Variants in RFX3 observed in about 807,000 individuals in gnomAD.
The protein encoded by RFX3 is transcription factor RFX3.
A neutral mutation model predicts 98.6 loss-of-function variants in RFX3; 14 were observed. The ratio of observed to expected loss-of-function variants is 0.14; its 90% confidence interval spans 0.09 to 0.22. RFX3 has a LOEUF of 0.22. RFX3 is among the 10% of genes least tolerant of loss of function. RFX3 has a pLI of 1.00. For synonymous variants in RFX3, 383 were observed against 328.4 expected (o/e 1.17, Z -1.80); for missense variants, 639 against 926.9 (o/e 0.69, Z 4.03).
At chr9:3,502,234 G>A (rs1003295235) in intron 1 of RFX3, among the ~76,000 whole-genome samples, 4 of 151,586 alleles carry the variant, frequency 2.6e-5, no homozygotes, top group Non-Finnish European at 5.9e-5. Flanking sequence ...CTCCAGCCTG[G>A]GAGACACAGC....
intron 1 of RFX3, among the ~76,000 whole-genome samples, chr9:3,396,759 T>G (rs552986740): frequency 6.6e-6 from 1 of 152,194 alleles, no homozygotes; most frequent in Admixed American, 6.5e-5. Context: ...GGTATCTCAT[T>G]GTGGTTTTGA....
chr9:3,253,890 A>G (rs1251779949), intron 14 of RFX3, among the ~76,000 whole-genome samples: 1 of 152,112 alleles, frequency 6.6e-6, no homozygotes, highest in Admixed American at 6.5e-5. Flanking sequence ...TGTAATTTTC[A>G]TTACTCAATA....
At chr9:3,263,612 A>G (rs1290438743) in intron 12 of RFX3, among the ~76,000 whole-genome samples, 2 of 152,214 alleles carry the variant, frequency 1.3e-5, no homozygotes, top group Admixed American at 6.5e-5. Context: ...AGAAACGAGT[A>G]ATTTTGAGGC....
intron 1 of RFX3, among the ~76,000 whole-genome samples, chr9:3,455,478 T>C (rs1461202840): frequency 9.2e-5 from 14 of 152,224 alleles, no homozygotes; most frequent in Non-Finnish European, 2.1e-4. Context: ...CAATTTACAT[T>C]TACTCATGTA....
intron 9 of RFX3, among the ~76,000 whole-genome samples, chr9:3,273,794 G>A (rs995926233): frequency 1.6e-4 from 24 of 151,604 alleles, no homozygotes; most frequent in African/African-American, 5.6e-4. Context: ...GAACCCAGGA[G>A]GCGGTGGTTG....
intron 1 of RFX3, among the ~76,000 whole-genome samples, chr9:3,415,871 G>A (rs544777115): frequency 2.0e-5 from 3 of 152,172 alleles, no homozygotes; most frequent in East Asian, 1.9e-4. Context: ...AGAAGGTGGC[G>A]GCAATGTTCC....
At chr9:3,458,960 C>T (rs760379347) in intron 1 of RFX3, among the ~76,000 whole-genome samples, 17 of 152,044 alleles carry the variant, frequency 1.1e-4, no homozygotes, top group South Asian at 2.1e-4. Context: ...CCTGCATTGC[C>T]GTAGACACTG....
At chr9:3,480,840 T>G (rs1242689759) in intron 1 of RFX3, among the ~76,000 whole-genome samples, 1 of 143,636 alleles carries the variant, frequency 7.0e-6, no homozygotes, top group Non-Finnish European at 1.5e-5. Context: ...AAATAAGAGC[T>G]TTGAAAGCTG....
At chr9:3,344,637 G>C (rs1158829304) in intron 3 of RFX3, 1 of 564,056 alleles carries the variant, frequency 1.8e-6, no homozygotes, top group African/African-American at 1.9e-5. Context: ...TACCACAACA[G>C]ACACGAAAGC....
intron 2 of RFX3, among the ~76,000 whole-genome samples, chr9:3,371,303 G>A (rs991072537): frequency 2.0e-5 from 3 of 152,088 alleles, no homozygotes; most frequent in Non-Finnish European, 4.4e-5. Flanking sequence ...TTAAAATCAT[G>A]CAACCAATTC....
At chr9:3,337,607 G>A (rs548023401) in intron 3 of RFX3, among the ~76,000 whole-genome samples, 1 of 152,162 alleles carries the variant, frequency 6.6e-6, no homozygotes. Flanking sequence ...GTACCCAGGG[G>A]TAGCAATGGC....
rs775283533 is a variant in RFX3, at chr9:3,221,959, C to T, written c.*3083G>A. On this transcript the variant is annotated 3_prime_UTR_variant, in exon 17 of 17. Transcript: ENST00000617270. ...ATACAAAGAAGTCTTAAAATGTGTA[C>T]TTGTGTCATTTGTGAATAAATCTGT... 6.6e-6 allele frequency: 1 copy of T among 152,032 alleles called. No homozygotes were observed. Among genetic ancestry groups the T allele is most frequent in the Non-Finnish European group, 1.5e-5 (1 of 67,996 alleles). 9.4% of individuals were successfully genotyped at this position (152,032 alleles called of 1,614,324 possible).
intron 2 of RFX3, among the ~76,000 whole-genome samples, chr9:3,388,113 T>C (rs17728620): frequency 0.015 from 2,321 of 152,248 alleles, 30 homozygotes; most frequent in African/African-American, 0.031. Context: ...CAGGGTTTCT[T>C]ACTGGTTGTA....
chr9:3,234,388 T>C (rs988437824), intron 15 of RFX3, among the ~76,000 whole-genome samples: 7 of 152,214 alleles, frequency 4.6e-5, no homozygotes, highest in Admixed American at 1.3e-4. Context: ...CTTGTAATAC[T>C]AGCACTTTGG....
chr9:3,459,086 A>T (rs1847458594), intron 1 of RFX3, among the ~76,000 whole-genome samples: 1 of 152,162 alleles, frequency 6.6e-6, no homozygotes, highest in Non-Finnish European at 1.5e-5. Flanking sequence ...ATGTCTTGGG[A>T]GCTCAGAGTA....
intron 3 of RFX3, among the ~76,000 whole-genome samples, chr9:3,345,526 A>G (rs1425589204): frequency 4.6e-5 from 7 of 152,182 alleles, no homozygotes; most frequent in Admixed American, 6.5e-5. Context: ...CCAGTTTTGT[A>G]TCATCTATTA....
chr9:3,423,922 G>C (rs1203549089), intron 1 of RFX3, among the ~76,000 whole-genome samples: 5 of 151,082 alleles, frequency 3.3e-5, no homozygotes, highest in Non-Finnish European at 7.4e-5. Context: ...CCGAGGCGGG[G>C]GGACCACAAG....
intron 1 of RFX3, among the ~76,000 whole-genome samples, chr9:3,443,500 C>T (rs1281356859): frequency 1.3e-5 from 2 of 152,262 alleles, no homozygotes; most frequent in African/African-American, 4.8e-5. Context: ...ATAACGGCTT[C>T]CAACTCCATT....
chr9:3,393,489 T>G (rs537716499), intron 2 of RFX3, among the ~76,000 whole-genome samples: 2 of 152,308 alleles, frequency 1.3e-5, no homozygotes, highest in Admixed American at 1.3e-4. Context: ...ACCATTCTTC[T>G]ACAGAGATGA....
Sources: gnomAD v4.1 joint callset for allele counts (sites outside exome capture counted in the v4.1 genomes callset) on GRCh38, gnomAD v4.1.1 for gene constraint, MANE v1.5 for transcripts, NCBI Gene and HGNC (gene_info 2026-07-23, HGNC 2026-07-21) for gene names.